Variants in KBTBD2 observed in about 807,000 individuals in gnomAD.
The protein encoded by KBTBD2 is kelch repeat and BTB domain containing 2.
In KBTBD2, 17 loss-of-function variants were observed where a neutral mutation model predicts 57.1. That is an observed-to-expected ratio of 0.30 (90% CI 0.20 to 0.45). KBTBD2 has a LOEUF of 0.45. KBTBD2 is among the 20% of genes least tolerant of loss of function. The pLI is 1.00. For synonymous variants in KBTBD2, 267 were observed against 262.7 expected, an observed-to-expected ratio of 1.02 and a Z score of -0.16; for missense variants, 515 against 750.6, an observed-to-expected ratio of 0.69 and a Z score of 3.67.
At chr7:32,889,978 T>C (rs1332460528) in intron 1 of KBTBD2, among the ~76,000 whole-genome samples, 3 of 152,274 alleles carry the variant, frequency 2.0e-5, no homozygotes, top group East Asian at 1.9e-4. Flanking sequence ...CATGGACATA[T>C]GTACTGATAC....
intron 2 of KBTBD2, among the ~76,000 whole-genome samples, chr7:32,875,420 AC>A (rs1784288446): frequency 3.3e-5 from 5 of 152,108 alleles, no homozygotes; most frequent in Admixed American, 3.3e-4. Context: ...GGCATGCACC[AC>A]CACACCCAGC....
chr7:32,883,370 C>T (rs879356016), intron 1 of KBTBD2, among the ~76,000 whole-genome samples: 1 of 152,100 alleles, frequency 6.6e-6, no homozygotes, highest in Admixed American at 6.6e-5. Flanking sequence ...CTGGGCAACA[C>T]AGCAAGACTC....
At chr7:32,885,067 G>A (rs1784544368) in intron 1 of KBTBD2, among the ~76,000 whole-genome samples, 1 of 145,962 alleles carries the variant, frequency 6.9e-6, no homozygotes, top group Non-Finnish European at 1.5e-5. Context: ...TAAGAGACAG[G>A]ATTGTACTAT....
rs757966440 is a variant in KBTBD2 at position 32,869,402 on chromosome 7, C to T, written c.1815G>A (p.Thr605=). The T allele has an allele frequency of 5.6e-6, 9 of 1,613,952 alleles. No homozygotes were observed. Among genetic ancestry groups the T allele is most frequent in the African/African-American group, 2.7e-5 (2 of 75,006 alleles). ...CCAGTTCAAACTCTTCTGTCCCATC[C>T]GTTGAAAAAAGATAAGTTGGTGGTT... ...PWKPPTYLFS[T]DGTEEFELDG... The change falls in exon 4 of 4, where the codon ACG becomes ACA. Residue 605 remains threonine, a synonymous_variant. Coordinates refer to ENST00000304056, the MANE Select transcript of KBTBD2 (RefSeq NM_015483.3).
chr7:32,877,953 A>G (rs1784353467), intron 2 of KBTBD2, among the ~76,000 whole-genome samples: 1 of 151,842 alleles, frequency 6.6e-6, no homozygotes, highest in African/African-American at 2.4e-5. Context: ...TACTAAAAAT[A>G]CAAAAAAAAT....
At chr7:32,891,139 A>C (rs1026165424) in intron 1 of KBTBD2, 1 of 152,136 alleles carries the variant, frequency 6.6e-6, no homozygotes, top group Non-Finnish European at 1.5e-5. Flanking sequence ...TGTCGCGAAC[A>C]CGTCGCGAGT....
chr7:32,874,357 G>C (rs571538579), intron 3 of KBTBD2, among the ~76,000 whole-genome samples: 1 of 151,738 alleles, frequency 6.6e-6, no homozygotes, highest in Non-Finnish European at 1.5e-5. Flanking sequence ...CTGAGATCGC[G>C]CCACTAGACT....
At chr7:32,875,338 CA>C (rs1784286192) in intron 2 of KBTBD2, among the ~76,000 whole-genome samples, 181 bp from the exon 3 acceptor site, 2 of 152,284 alleles carry the variant, frequency 1.3e-5, no homozygotes, top group African/African-American at 2.4e-5. Flanking sequence ...GTGGTACCAT[CA>C]TGGCTCACCA....
chr7:32,890,551 C>T (rs1784706257), intron 1 of KBTBD2, among the ~76,000 whole-genome samples: 1 of 152,104 alleles, frequency 6.6e-6, no homozygotes, highest in Non-Finnish European at 1.5e-5. Context: ...AAGAAAATAT[C>T]ATTTTGGTCA....
chr7:32,886,749 T>C (rs1269360859), intron 1 of KBTBD2, among the ~76,000 whole-genome samples: 5 of 152,204 alleles, frequency 3.3e-5, no homozygotes, highest in Non-Finnish European at 5.9e-5. Flanking sequence ...CAGCAAAACA[T>C]GCCTGAAAGT....
chr7:32,878,650 G>C (rs1784376015), intron 2 of KBTBD2, among the ~76,000 whole-genome samples: 1 of 151,632 alleles, frequency 6.6e-6, no homozygotes, highest in Admixed American at 6.6e-5. Flanking sequence ...GCTTATGTCT[G>C]TTAATATTTG....
At chr7:32,876,578 A>C (rs1323559017) in intron 2 of KBTBD2, among the ~76,000 whole-genome samples, 1 of 152,224 alleles carries the variant, frequency 6.6e-6, no homozygotes, top group Non-Finnish European at 1.5e-5. Context: ...TAAAGGCTAG[A>C]GACAGGAAAA....
chr7:32,870,240 G>A lies in KBTBD2; in HGVS notation c.977C>T (p.Pro326Leu), dbSNP rs769208811. ...GTGATTTGTTTTTGTGTTTTTCAGAGGAACTTGACCCCCTGCTATGTAGAT... is the reference window on the plus strand; with the variant it reads ...GTGATTTGTTTTTGTGTTTTTCAGAAGAACTTGACCCCCTGCTATGTAGAT... ...NDIYIAGGQVPLKNTKTNHSK... is the reference protein window; with the variant it reads ...NDIYIAGGQVLLKNTKTNHSK... The change falls in exon 4 of 4, where the codon CCT becomes CTT. Residue 326 changes from proline (P) to leucine (L), a missense_variant. By Grantham distance (98) the Pro-to-Leu change is moderately conservative (BLOSUM62 -3). Transcript: ENST00000304056. 2 of 1,614,112 alleles carry A rather than the reference G, an allele frequency of 1.2e-6. No homozygotes were observed. Among genetic ancestry groups the A allele is most frequent in the South Asian group, 1.1e-5 (1 of 91,090 alleles).
intron 2 of KBTBD2, among the ~76,000 whole-genome samples, chr7:32,878,578 G>A (rs1784373005): frequency 9.6e-6 from 1 of 104,198 alleles, no homozygotes; most frequent in Admixed American, 1.1e-4. Context: ...GAGTGAGATC[G>A]TCTCAAAAAA....
chr7:32,874,955 A>G, intron 3 of KBTBD2, 37 bp downstream of exon 3: 2 of 1,587,412 alleles, frequency 1.3e-6, no homozygotes, highest in Non-Finnish European at 1.7e-6. Context: ...TGGGCAACAG[A>G]GAGAGACTCC....
At chr7:32,878,000 T>C (rs1281737642) in intron 2 of KBTBD2, among the ~76,000 whole-genome samples, 1 of 151,444 alleles carries the variant, frequency 6.6e-6, no homozygotes, top group East Asian at 2.0e-4. Flanking sequence ...TAATCCCAGC[T>C]ACTTGTGAGG....
intron 1 of KBTBD2, among the ~76,000 whole-genome samples, chr7:32,886,390 G>T (rs1392055318): frequency 6.6e-6 from 1 of 152,124 alleles, no homozygotes; most frequent in African/African-American, 2.4e-5. Context: ...TAAAAGTTTT[G>T]AAACATTGTT....
chr7:32,881,501 T>C (rs1041413410), intron 1 of KBTBD2, among the ~76,000 whole-genome samples: 18 of 151,894 alleles, frequency 1.2e-4, no homozygotes, highest in Non-Finnish European at 2.5e-4. Flanking sequence ...CCATCCATTA[T>C]GTCAAAGAGA....
At chr7:32,876,546 T>C (rs1784316076) in intron 2 of KBTBD2, among the ~76,000 whole-genome samples, 1 of 152,196 alleles carries the variant, frequency 6.6e-6, no homozygotes. Flanking sequence ...ATGAATACTC[T>C]AAGCTGACAG....
Sources: gnomAD v4.1 joint callset for allele counts (sites outside exome capture counted in the v4.1 genomes callset) on GRCh38, gnomAD v4.1.1 for gene constraint, MANE v1.5 for transcripts, NCBI Gene and HGNC (gene_info 2026-07-23, HGNC 2026-07-21) for gene names.